Variants in ENOX1 observed in about 807,000 individuals in gnomAD.
The protein encoded by ENOX1 is candidate growth-related and time keeping constitutive hydroquinone (NADH) oxidase.
In ENOX1, 42 loss-of-function variants were observed where a neutral mutation model predicts 82.5. The observed-to-expected ratio is 0.51, with a 90% CI of 0.40 to 0.66. The LOEUF (loss-of-function observed/expected upper bound fraction) is 0.66, where lower values mean the gene tolerates loss of function less well. ENOX1 is among the 30% of genes least tolerant of loss of function. ENOX1 has a pLI of 0.00. For synonymous variants in ENOX1, 271 were observed against 282.2 expected, an observed-to-expected ratio of 0.96 and a Z score of 0.40; for missense variants, 608 against 811.6, an observed-to-expected ratio of 0.75 and a Z score of 3.05.
chr13:43,474,022 G>C (rs992161767), intron 3 of ENOX1, among the ~76,000 whole-genome samples: 4 of 152,070 alleles, frequency 2.6e-5, no homozygotes, highest in Admixed American at 1.3e-4. Flanking sequence ...TGTCAAAAAA[G>C]TATATTAGGA....
At chr13:43,519,662 C>T (rs1205486816) in intron 2 of ENOX1, among the ~76,000 whole-genome samples, 2 of 152,132 alleles carry the variant, frequency 1.3e-5, no homozygotes, top group Non-Finnish European at 2.9e-5. Flanking sequence ...CAGGAGACCC[C>T]AGACCCCAGG....
At position 43,670,851 on chromosome 13, in the gene ENOX1, A is replaced by AC. The variant is rs1555356405; in HGVS notation, c.-284-3308_-284-3307insG. Among the ~76,000 whole-genome samples, 25 of 150,324 alleles carry AC rather than the reference A, an allele frequency of 1.7e-4. No individual in the cohort carries two copies. In the South Asian group the frequency reaches 4.7e-3, roughly 28 times the overall value. ...GAGTGAGAGTCTATCTCAAACAACAAAACAACAACAACAACAACAACAACA... is the reference window on the plus strand; with the variant it reads ...GAGTGAGAGTCTATCTCAAACAACAACAACAACAACAACAACAACAACAACA... On this transcript the variant is annotated intron_variant, in intron 1 of 16. Transcript: ENST00000690772.
chr13:43,516,530 C>T (rs1485495862), intron 2 of ENOX1, among the ~76,000 whole-genome samples: 1 of 152,138 alleles, frequency 6.6e-6, no homozygotes, highest in Non-Finnish European at 1.5e-5. Flanking sequence ...CTCCTGTCTA[C>T]TGAAGGATCA....
intron 11 of ENOX1, among the ~76,000 whole-genome samples, chr13:43,308,034 C>T (rs142327039): frequency 5.1e-4 from 77 of 152,354 alleles, no homozygotes; most frequent in African/African-American, 1.8e-3. Flanking sequence ...TGCCTGCTTC[C>T]CTCTCTCACT....
At chr13:43,512,843 T>C (rs567244558) in intron 2 of ENOX1, among the ~76,000 whole-genome samples, 18 of 152,230 alleles carry the variant, frequency 1.2e-4, no homozygotes, top group African/African-American at 4.1e-4. Context: ...CATCTGTGCT[T>C]TTTTATGAGC....
intron 5 of ENOX1, among the ~76,000 whole-genome samples, chr13:43,375,934 G>C (rs1336232993): frequency 3.3e-5 from 5 of 152,308 alleles, no homozygotes; most frequent in African/African-American, 4.8e-5. Flanking sequence ...CTTGCAAGCT[G>C]AGTCTATACC....
chr13:43,224,564 AT>A (rs2153452478), intron 15 of ENOX1, among the ~76,000 whole-genome samples: 1 of 152,272 alleles, frequency 6.6e-6, no homozygotes, highest in African/African-American at 2.4e-5. Context: ...ACTGCCTCAG[AT>A]TTTCCTGATA....
chr13:43,651,695 T>TAAAAAAAAAAA (rs57810969), intron 2 of ENOX1, among the ~76,000 whole-genome samples: 2 of 96,976 alleles, frequency 2.1e-5, no homozygotes, highest in African/African-American at 3.5e-5. Context: ...AGACTCTGTC[T>TAAAAAAAAAAA]AAAAAAAAAA....
intron 10 of ENOX1, among the ~76,000 whole-genome samples, chr13:43,324,552 G>T (rs985193848): frequency 6.6e-6 from 1 of 152,084 alleles, no homozygotes; most frequent in Non-Finnish European, 1.5e-5. Context: ...ATTACCAACT[G>T]GTATTTAATC....
At chr13:43,356,624 A>G (rs1233567147) in intron 7 of ENOX1, among the ~76,000 whole-genome samples, 2 of 152,156 alleles carry the variant, frequency 1.3e-5, no homozygotes, top group Admixed American at 1.3e-4. Context: ...TGATATTTAA[A>G]AAGATCTACA....
intron 5 of ENOX1, among the ~76,000 whole-genome samples, chr13:43,373,574 C>T (rs1344518087): frequency 1.3e-5 from 2 of 151,948 alleles, no homozygotes; most frequent in Non-Finnish European, 2.9e-5. Flanking sequence ...GCTTTTTTAC[C>T]CACACACATA....
intron 16 of ENOX1, among the ~76,000 whole-genome samples, chr13:43,214,748 A>C (rs1326334587): frequency 6.6e-6 from 1 of 152,130 alleles, no homozygotes; most frequent in African/African-American, 2.4e-5. Context: ...TTTTTACACC[A>C]ATAATTCATT....
intron 14 of ENOX1, among the ~76,000 whole-genome samples, chr13:43,244,767 G>A (rs1350259206): frequency 1.3e-5 from 2 of 152,062 alleles, no homozygotes; most frequent in Admixed American, 1.3e-4. Context: ...GATTCTCCAT[G>A]TCACCCCGGA....
chr13:43,483,456 A>G (rs1486326516), intron 3 of ENOX1, among the ~76,000 whole-genome samples: 2 of 152,216 alleles, frequency 1.3e-5, no homozygotes, highest in Non-Finnish European at 2.9e-5. Context: ...CTGTTAATAC[A>G]CATACACACA....
intron 1 of ENOX1, among the ~76,000 whole-genome samples, chr13:43,706,118 A>ATT (rs1182581994): frequency 2.3e-4 from 35 of 152,030 alleles, no homozygotes; most frequent in Admixed American, 9.8e-4. Flanking sequence ...ATAACATATA[A>ATT]AAATGTGTGA....
At chr13:43,486,733 A>G (rs1337043831) in intron 2 of ENOX1, among the ~76,000 whole-genome samples, 1 of 152,194 alleles carries the variant, frequency 6.6e-6, no homozygotes, top group Non-Finnish European at 1.5e-5. Context: ...TGGCTGTATG[A>G]CCTTGGGCAA....
At chr13:43,445,174 G>A (rs1384236458) in intron 3 of ENOX1, among the ~76,000 whole-genome samples, 4 of 150,700 alleles carry the variant, frequency 2.7e-5, no homozygotes, top group East Asian at 3.9e-4. Context: ...CCCAGGCTGG[G>A]GCACAGTGGC....
At chr13:43,622,261 T>A (rs1416708490) in intron 2 of ENOX1, among the ~76,000 whole-genome samples, 1 of 152,176 alleles carries the variant, frequency 6.6e-6, no homozygotes, top group Non-Finnish European at 1.5e-5. Flanking sequence ...GGGATTTCTT[T>A]TTGGTTTGGA....
chr13:43,750,888 CTGTAGTTTAG>C (rs1030986510), intron 1 of ENOX1, among the ~76,000 whole-genome samples: 5 of 152,188 alleles, frequency 3.3e-5, no homozygotes, highest in East Asian at 1.9e-4. Flanking sequence ...TCCTTAATCA[CTGTAGTTTAG>C]CATTCATTCT....
Sources: allele counts gnomAD v4.1 joint callset (sites outside exome capture counted in the v4.1 genomes callset), GRCh38; gene constraint gnomAD v4.1.1; transcripts MANE v1.5; gene names NCBI Gene and HGNC (gene_info 2026-07-23, HGNC 2026-07-21).